ST6GALNAC3: variants seen among roughly 807,000 people sequenced by gnomAD.
ST6GALNAC3 encodes alpha-N-acetylgalactosaminide alpha-2,6-sialyltransferase 3.
ST6GALNAC3 carries 25 observed loss-of-function variants against 32.7 expected under a neutral mutation model. That is an observed-to-expected ratio of 0.76 (90% CI 0.56 to 1.07). The LOEUF is 1.07. Ranked by LOEUF, ST6GALNAC3 falls within the 50% of genes least tolerant of loss-of-function variation. The pLI, the probability that ST6GALNAC3 is intolerant of heterozygous loss-of-function variation, is 0.00. For synonymous variants in ST6GALNAC3, 129 were observed against 133.1 expected, an observed-to-expected ratio of 0.97 and a Z score of 0.21; for missense variants, 355 against 382.4, an observed-to-expected ratio of 0.93 and a Z score of 0.60.
intron 3 of ST6GALNAC3, among the ~76,000 whole-genome samples, chr1:76,451,138 G>A (rs1341762278): frequency 6.6e-6 from 1 of 152,118 alleles, no homozygotes; most frequent in Non-Finnish European, 1.5e-5. Context: ...ATTGCTTTTA[G>A]CGGTATGGTC....
At chr1:76,487,937 T>C (rs1660234749) in intron 3 of ST6GALNAC3, among the ~76,000 whole-genome samples, 1 of 152,160 alleles carries the variant, frequency 6.6e-6, no homozygotes, top group Non-Finnish European at 1.5e-5. Context: ...TTAGTTTTCC[T>C]TCTAACAGTC....
intron 3 of ST6GALNAC3, among the ~76,000 whole-genome samples, chr1:76,580,129 G>C (rs961355022): frequency 6.6e-6 from 1 of 151,768 alleles, no homozygotes; most frequent in South Asian, 2.1e-4. Flanking sequence ...AGTATCCCTC[G>C]GTACTCAATA....
At chr1:76,169,175 T>C (rs1652316911) in intron 1 of ST6GALNAC3, among the ~76,000 whole-genome samples, 1 of 152,208 alleles carries the variant, frequency 6.6e-6, no homozygotes, top group South Asian at 2.1e-4. Flanking sequence ...CATTTGCTTG[T>C]TTGTAAAAGA....
chr1:76,223,389 G>A (rs1424185570), intron 1 of ST6GALNAC3, among the ~76,000 whole-genome samples: 1 of 152,098 alleles, frequency 6.6e-6, no homozygotes, highest in Non-Finnish European at 1.5e-5. Flanking sequence ...AACAGATACT[G>A]GGGCTTATTT....
intron 2 of ST6GALNAC3, among the ~76,000 whole-genome samples, chr1:76,320,240 A>G (rs974723271): frequency 1.3e-5 from 2 of 151,732 alleles, no homozygotes; most frequent in Non-Finnish European, 2.9e-5. Flanking sequence ...TTCAGCCCCT[A>G]TGACTCCCAG....
At chr1:76,590,365 G>T (rs1647028332) in intron 3 of ST6GALNAC3, among the ~76,000 whole-genome samples, 1 of 152,206 alleles carries the variant, frequency 6.6e-6, no homozygotes, top group Admixed American at 6.5e-5. Context: ...CCAGTTGTCA[G>T]ATGTTTCAGT....
At chr1:76,607,896 A>T (rs1647667392) in intron 3 of ST6GALNAC3, among the ~76,000 whole-genome samples, 1 of 152,148 alleles carries the variant, frequency 6.6e-6, no homozygotes, top group South Asian at 2.1e-4. Context: ...GATTGCCCCA[A>T]CCAAATGTAG....
intron 1 of ST6GALNAC3, among the ~76,000 whole-genome samples, chr1:76,208,969 C>T (rs1054630050): frequency 1.3e-5 from 2 of 152,116 alleles, no homozygotes; most frequent in Admixed American, 1.3e-4. Flanking sequence ...TCCCCAGAAA[C>T]CTTCTAATCT....
At chr1:76,224,689 A>G (rs575098623) in intron 1 of ST6GALNAC3, among the ~76,000 whole-genome samples, 70 of 152,308 alleles carry the variant, frequency 4.6e-4, no homozygotes, top group African/African-American at 1.6e-3. Flanking sequence ...GCTTCTCAGG[A>G]TATCTCCAAA....
intron 1 of ST6GALNAC3, among the ~76,000 whole-genome samples, chr1:76,170,748 A>G (rs922319737): frequency 6.6e-6 from 1 of 152,182 alleles, no homozygotes; most frequent in Non-Finnish European, 1.5e-5. Context: ...AAGGCAGACA[A>G]ACCACAGTAG....
chr1:76,136,439 T>C lies in ST6GALNAC3; in HGVS notation c.18+61555T>C, dbSNP rs12142194. Among the ~76,000 whole-genome samples the C allele has an allele frequency of 8.2e-3, 1,247 of 152,312 alleles. 11 individuals carry two copies. Among genetic ancestry groups the C allele is most frequent in the Non-Finnish European group, 0.013 (906 of 68,016 alleles). ...TCTAGTCATCTTTGACAAACTCAAT[T>C]GTAATCTAATTAAGTGGCGTCTTCT... is the stretch of plus-strand genomic sequence containing the variant. On this transcript the variant is annotated intron_variant, in intron 1 of 4. Transcript: ENST00000328299.
chr1:76,426,449 C>A (rs1655392292), intron 3 of ST6GALNAC3, among the ~76,000 whole-genome samples: 1 of 151,676 alleles, frequency 6.6e-6, no homozygotes, highest in African/African-American at 2.4e-5. Flanking sequence ...GGAAGATCTT[C>A]AGAGACAACA....
rs1265441636 is a variant in ST6GALNAC3, at chr1:76,457,858, G to A, written c.623+45441G>A. Among the ~76,000 whole-genome samples, 511 of 149,930 alleles carry A rather than the reference G, an allele frequency of 3.4e-3. 7 individuals are homozygous for A. The highest frequency in any genetic ancestry group is 0.012 in the African/African-American group (477 of 40,982). ...TCATGTCTAAAACACCAAAAGCAATGGCAACAAAAGCCAAAATTGACAAAT... is the reference window on the plus strand; with the variant it reads ...TCATGTCTAAAACACCAAAAGCAATAGCAACAAAAGCCAAAATTGACAAAT... On this transcript the variant is annotated intron_variant, in intron 3 of 4. Coordinates refer to ENST00000328299, the MANE Select transcript of ST6GALNAC3 (RefSeq NM_152996.4).
At chr1:76,562,268 A>T (rs571076510) in intron 3 of ST6GALNAC3, among the ~76,000 whole-genome samples, 161 of 152,320 alleles carry the variant, frequency 1.1e-3, no homozygotes, top group Middle Eastern at 3.4e-3. Flanking sequence ...TATCAAAATA[A>T]AACTCTTAAA....
At chr1:76,402,415 C>A (rs1653495229) in intron 2 of ST6GALNAC3, among the ~76,000 whole-genome samples, 1 of 152,154 alleles carries the variant, frequency 6.6e-6, no homozygotes, top group South Asian at 2.1e-4. Flanking sequence ...CCACCATTTC[C>A]TTCCACTTTC....
intron 1 of ST6GALNAC3, among the ~76,000 whole-genome samples, chr1:76,262,177 A>G (rs1435469092): frequency 2.6e-5 from 4 of 152,186 alleles, no homozygotes; most frequent in Non-Finnish European, 5.9e-5. Flanking sequence ...TTTACCAATG[A>G]TCCCTTAATC....
At chr1:76,618,720 T>C (rs1432523822) in intron 3 of ST6GALNAC3, among the ~76,000 whole-genome samples, 1 of 152,130 alleles carries the variant, frequency 6.6e-6, no homozygotes, top group Non-Finnish European at 1.5e-5. Context: ...GAACAACCCC[T>C]ACCTTGGATG....
chr1:76,499,141 A>G (rs182771548), intron 3 of ST6GALNAC3, among the ~76,000 whole-genome samples: 48 of 152,316 alleles, frequency 3.2e-4, no homozygotes, highest in African/African-American at 9.6e-4. Flanking sequence ...TTAAACTTAT[A>G]TAGTTAAAGA....
At chr1:76,152,021 G>T (rs1362074026) in intron 1 of ST6GALNAC3, among the ~76,000 whole-genome samples, 1 of 152,162 alleles carries the variant, frequency 6.6e-6, no homozygotes, top group Admixed American at 6.5e-5. Flanking sequence ...GAGGCATACT[G>T]TACCTGATTC....
Sources: allele counts gnomAD v4.1 joint callset (sites outside exome capture counted in the v4.1 genomes callset), GRCh38; gene constraint gnomAD v4.1.1; transcripts MANE v1.5; gene names NCBI Gene and HGNC (gene_info 2026-07-23, HGNC 2026-07-21).